GABRB2: variants seen among roughly 807,000 people sequenced by gnomAD.
The protein encoded by GABRB2 is gamma-aminobutyric acid type A receptor subunit beta2.
In GABRB2, 16 loss-of-function variants were observed where a neutral mutation model predicts 54.7. That is an observed-to-expected ratio of 0.29 (90% CI 0.20 to 0.44). The LOEUF (loss-of-function observed/expected upper bound fraction) is 0.44, where lower values mean the gene tolerates loss of function less well. GABRB2 is among the 20% of genes least tolerant of loss of function. GABRB2 has a pLI of 1.00. For synonymous variants in GABRB2, 244 were observed against 233.8 expected, an observed-to-expected ratio of 1.04 and a Z score of -0.40; for missense variants, 355 against 644.0, an observed-to-expected ratio of 0.55 and a Z score of 4.86.
intron 3 of GABRB2, among the ~76,000 whole-genome samples, chr5:161,471,386 G>T (rs1758434313): frequency 6.6e-6 from 1 of 151,950 alleles, no homozygotes; most frequent in Non-Finnish European, 1.5e-5. Flanking sequence ...GTAAAACTCA[G>T]CTCCCCCTTA....
intron 3 of GABRB2, among the ~76,000 whole-genome samples, chr5:161,480,361 A>G (rs1319969277): frequency 6.6e-6 from 1 of 152,086 alleles, no homozygotes; most frequent in Non-Finnish European, 1.5e-5. Context: ...GATGTTTTAC[A>G]CACAAATACA....
intron 4 of GABRB2, among the ~76,000 whole-genome samples, chr5:161,453,407 G>C (rs1051408139): frequency 1.3e-5 from 2 of 152,174 alleles, no homozygotes; most frequent in African/African-American, 4.8e-5. Flanking sequence ...GGGAGAAAGA[G>C]CCTTTGGGGA....
At chr5:161,374,702 C>T (rs1222588719) in intron 5 of GABRB2, among the ~76,000 whole-genome samples, 1 of 152,178 alleles carries the variant, frequency 6.6e-6, no homozygotes, top group Non-Finnish European at 1.5e-5. Context: ...ATTGGATTGA[C>T]CTTTCATGAT....
intron 3 of GABRB2, among the ~76,000 whole-genome samples, chr5:161,515,096 A>G (rs777383572): frequency 2.6e-5 from 4 of 152,180 alleles, no homozygotes; most frequent in Admixed American, 6.6e-5. Context: ...TGGCTTAGAT[A>G]GGTAGAAAAA....
rs745551180 is a variant in GABRB2 at position 161,459,609 on chromosome 5, T to C, written c.458+15A>G. 16 of 1,602,494 alleles carry C rather than the reference T, an allele frequency of 1.0e-5. No homozygotes were observed. The highest frequency in any genetic ancestry group is 3.3e-5 in the Admixed American group (2 of 59,920). ...TGTTCAGGAAAAGTTATATTTTGAATTGGGGACAACAGACCTGAGTCCATA... is the reference window on the plus strand; with the variant it reads ...TGTTCAGGAAAAGTTATATTTTGAACTGGGGACAACAGACCTGAGTCCATA... On this transcript the variant is annotated intron_variant, in intron 4 of 9. Coordinates refer to ENST00000393959, the MANE Select transcript of GABRB2 (RefSeq NM_001371727.1).
chr5:161,341,258 A>G (rs1205503532), intron 5 of GABRB2, among the ~76,000 whole-genome samples: 2 of 151,978 alleles, frequency 1.3e-5, no homozygotes, highest in Non-Finnish European at 1.5e-5. Context: ...ATGCAAATAT[A>G]TATGACCTGA....
At position 161,290,750 on chromosome 5, in the gene GABRB2, G is replaced by C. The variant is rs1272156507; in HGVS notation, c.*3331C>G. ...AAGGTAATCATTAAACTGGAACACG[G>C]TTACCTATAGAAAATGGAAATTATC... On this transcript the variant is annotated 3_prime_UTR_variant, in exon 10 of 10. Coordinates refer to ENST00000393959, the MANE Select transcript of GABRB2 (RefSeq NM_001371727.1). 1 of 152,442 alleles carries C rather than the reference G, an allele frequency of 6.6e-6. No individual in the cohort carries two copies. The highest frequency in any genetic ancestry group is 1.5e-5 in the Non-Finnish European group (1 of 67,964). The allele number at this position is 152,442 out of a possible 1,614,324, so 9.4% of individuals were successfully genotyped here.
intron 5 of GABRB2, among the ~76,000 whole-genome samples, chr5:161,339,464 A>G (rs1207037823): frequency 2.0e-5 from 3 of 152,130 alleles, no homozygotes; most frequent in Non-Finnish European, 4.4e-5. Context: ...TTAGCTAATC[A>G]GGAATTGGCT....
intron 8 of GABRB2, 42 bp downstream of exon 8, chr5:161,330,841 C>T: frequency 6.2e-7 from 1 of 1,612,996 alleles, no homozygotes; most frequent in Non-Finnish European, 8.5e-7. Flanking sequence ...AGCATTCTTC[C>T]ATGAGTTTAA....
intron 5 of GABRB2, among the ~76,000 whole-genome samples, chr5:161,388,609 C>A (rs894383488): frequency 6.6e-6 from 1 of 151,858 alleles, no homozygotes; most frequent in Admixed American, 6.6e-5. Flanking sequence ...AAGAATTAAT[C>A]ATTTAAGAAT....
At chr5:161,330,769 C>G (rs1753814494) in intron 8 of GABRB2, 114 bp downstream of exon 8, 2 of 1,409,194 alleles carry the variant, frequency 1.4e-6, no homozygotes, top group South Asian at 2.7e-5. Context: ...GGAAAATTAC[C>G]CATTCTCTTC....
chr5:161,339,572 A>T (rs566921553), intron 5 of GABRB2, among the ~76,000 whole-genome samples: 8 of 152,150 alleles, frequency 5.3e-5, no homozygotes, highest in Admixed American at 2.0e-4. Context: ...AATGAAAAAG[A>T]TAATGATAGC....
At chr5:161,521,016 C>T (rs1336944673) in intron 3 of GABRB2, among the ~76,000 whole-genome samples, 1 of 151,974 alleles carries the variant, frequency 6.6e-6, no homozygotes, top group Non-Finnish European at 1.5e-5. Flanking sequence ...TGACTGAGAA[C>T]ATCCATGATT....
intron 6 of GABRB2, 143 bp from the exon 7 acceptor site, chr5:161,335,047 A>G (rs1753952884): frequency 1.3e-6 from 1 of 760,306 alleles, no homozygotes; most frequent in South Asian, 1.9e-5. Context: ...AAGTAGTCTG[A>G]GAGCCCTGAG....
chr5:161,532,217 A>G (rs886564212), intron 3 of GABRB2, among the ~76,000 whole-genome samples: 21 of 152,068 alleles, frequency 1.4e-4, no homozygotes, highest in African/African-American at 4.8e-4. Context: ...ATTCATATGT[A>G]TGTATATATG....
intron 9 of GABRB2, among the ~76,000 whole-genome samples, chr5:161,311,282 C>A (rs1353068270): frequency 1.3e-5 from 2 of 152,290 alleles, no homozygotes; most frequent in East Asian, 1.9e-4. Context: ...GGCTGAGTAA[C>A]CCTGGCTTCT....
At chr5:161,479,138 CAT>C (rs1022877636) in intron 3 of GABRB2, among the ~76,000 whole-genome samples, 2 of 152,138 alleles carry the variant, frequency 1.3e-5, no homozygotes, top group Admixed American at 6.6e-5. Flanking sequence ...CAAGATGAAA[CAT>C]AAATGCATAT....
chr5:161,383,007 T>A (rs1320436976), intron 5 of GABRB2, among the ~76,000 whole-genome samples: 1 of 152,176 alleles, frequency 6.6e-6, no homozygotes, highest in African/African-American at 2.4e-5. Flanking sequence ...AAAGGCTTAA[T>A]TTTTCTCCTC....
At chr5:161,320,259 C>G (rs1401414271) in intron 9 of GABRB2, among the ~76,000 whole-genome samples, 1 of 151,706 alleles carries the variant, frequency 6.6e-6, no homozygotes, top group Non-Finnish European at 1.5e-5. Flanking sequence ...TAAGCTATGG[C>G]CATCTCACTG....
Sources: gnomAD v4.1 joint callset for allele counts (sites outside exome capture counted in the v4.1 genomes callset) on GRCh38, gnomAD v4.1.1 for gene constraint, MANE v1.5 for transcripts, NCBI Gene and HGNC (gene_info 2026-07-23, HGNC 2026-07-21) for gene names.